Variants in VWA3B observed in about 807,000 individuals in gnomAD.
VWA3B encodes the protein von Willebrand factor A domain containing 3B.
A neutral mutation model predicts 158.3 loss-of-function variants in VWA3B; 138 were observed. That is an observed-to-expected ratio of 0.87 (90% CI 0.76 to 1.00). The LOEUF (loss-of-function observed/expected upper bound fraction) is 1.00. Ranked by LOEUF, VWA3B falls within the 50% of genes least tolerant of loss-of-function variation. The probability of loss-of-function intolerance (pLI) is 0.00; values close to 1 mark genes in which losing one functional copy is unlikely to be tolerated. For missense variants in VWA3B, 1,555 were observed against 1,565.1 expected, an observed-to-expected ratio of 0.99 and a Z score of 0.11; for synonymous variants, 596 against 587.3, an observed-to-expected ratio of 1.01 and a Z score of -0.21.
At chr2:98,177,328 A>G (rs1383759087) in intron 8 of VWA3B, among the ~76,000 whole-genome samples, 1 of 152,262 alleles carries the variant, frequency 6.6e-6, no homozygotes, top group Admixed American at 6.5e-5. Context: ...TGTCCTGTGG[A>G]ATAGGAAAGC....
chr2:98,190,404 T>G (rs1045293873), intron 10 of VWA3B, among the ~76,000 whole-genome samples: 2 of 152,236 alleles, frequency 1.3e-5, no homozygotes, highest in African/African-American at 4.8e-5. Context: ...GTAACTAGAT[T>G]AGAAACTAGA....
intron 7 of VWA3B, among the ~76,000 whole-genome samples, chr2:98,139,525 A>C (rs1033267104): frequency 1.1e-4 from 17 of 152,164 alleles, no homozygotes; most frequent in African/African-American, 3.9e-4. Flanking sequence ...AAATACACCA[A>C]TCGGCACTCT....
At chr2:98,265,133 G>A (rs982818295) in intron 21 of VWA3B, among the ~76,000 whole-genome samples, 3 of 150,960 alleles carry the variant, frequency 2.0e-5, no homozygotes, top group Middle Eastern at 3.4e-3. Context: ...ATGCTGGTGC[G>A]CTGCACCCAC....
At chr2:98,205,457 T>C (rs1682940386) in intron 12 of VWA3B, among the ~76,000 whole-genome samples, 1 of 152,184 alleles carries the variant, frequency 6.6e-6, no homozygotes, top group Non-Finnish European at 1.5e-5. Context: ...TTTTATTGAT[T>C]CTTTTTAACA....
At chr2:98,321,544 G>A in the VWA3B span, among the ~76,000 whole-genome samples, 1 of 152,234 alleles carries the variant, frequency 6.6e-6, no homozygotes, top group African/African-American at 2.4e-5. Context: ...TCTTGCATCA[G>A]CATGACCTGG....
At chr2:98,221,473 C>G in intron 14 of VWA3B, among the ~76,000 whole-genome samples, 1 of 152,324 alleles carries the variant, frequency 6.6e-6, no homozygotes, top group East Asian at 1.9e-4. Context: ...TTCACCCACT[C>G]TCTTGCTTCA....
chr2:98,178,943 T>C (rs1680241334), intron 8 of VWA3B, among the ~76,000 whole-genome samples: 1 of 152,196 alleles, frequency 6.6e-6, no homozygotes, highest in Non-Finnish European at 1.5e-5. Context: ...TGCGTCTTCG[T>C]AGGGCTCCCG....
intron 7 of VWA3B, among the ~76,000 whole-genome samples, chr2:98,145,636 T>C (rs2105131546): frequency 6.6e-6 from 1 of 152,340 alleles, no homozygotes; most frequent in Non-Finnish European, 1.5e-5. Flanking sequence ...CCCTCTGTGG[T>C]TTCTCACAGT....
intron 8 of VWA3B, among the ~76,000 whole-genome samples, chr2:98,178,652 T>C (rs1384818661): frequency 6.6e-6 from 1 of 152,210 alleles, no homozygotes; most frequent in African/African-American, 2.4e-5. Context: ...AGAAGCCCTT[T>C]CCACCTTAAG....
At chr2:98,091,925 A>G (rs1682320941) in intron 1 of VWA3B, among the ~76,000 whole-genome samples, 1 of 152,158 alleles carries the variant, frequency 6.6e-6, no homozygotes, top group Non-Finnish European at 1.5e-5. Context: ...GCGGGTTAAG[A>G]TTGCATTATA....
chr2:98,279,758 G>A (rs900947192), intron 22 of VWA3B, among the ~76,000 whole-genome samples: 13 of 152,146 alleles, frequency 8.5e-5, no homozygotes, highest in African/African-American at 2.9e-4. Context: ...CCAATACCCC[G>A]GCTTCCTCCT....
intron 23 of VWA3B, among the ~76,000 whole-genome samples, chr2:98,294,134 T>C (rs1395820264): frequency 6.9e-6 from 1 of 145,418 alleles, no homozygotes; most frequent in Non-Finnish European, 1.5e-5. Flanking sequence ...CCTGCCCTCA[T>C]TGGTGATGTT....
At chr2:98,171,299 A>T (rs935299829) in intron 8 of VWA3B, among the ~76,000 whole-genome samples, 4 of 152,144 alleles carry the variant, frequency 2.6e-5, no homozygotes, top group Admixed American at 2.6e-4. Flanking sequence ...GGTATTTACG[A>T]TTGAGGAAAA....
rs1192903302 is a variant in VWA3B, at chr2:98,133,772, T to C, written c.873-52T>C. 3.3e-6 allele frequency: 5 copies of C among 1,513,342 alleles called. No individual in the cohort carries two copies. In the East Asian group the frequency reaches 6.8e-5, roughly 20 times the overall value. 93.7% of individuals were successfully genotyped at this position (1,513,342 alleles called of 1,614,324 possible). ...TCAGTCCCAGGAGAAGGAACAAGCATGCACGGACACCTGCGTACTGCCTTC... is the reference window on the plus strand; with the variant it reads ...TCAGTCCCAGGAGAAGGAACAAGCACGCACGGACACCTGCGTACTGCCTTC... On this transcript the variant is annotated intron_variant, in intron 6 of 27. Coordinates refer to ENST00000477737, the MANE Select transcript of VWA3B (RefSeq NM_144992.5).
intron 13 of VWA3B, among the ~76,000 whole-genome samples, chr2:98,216,563 C>T (rs561298041): frequency 2.6e-5 from 4 of 152,222 alleles, no homozygotes; most frequent in Non-Finnish European, 5.9e-5. Context: ...CCTTTCTTGC[C>T]ACTCCAGCTG....
intron 19 of VWA3B, among the ~76,000 whole-genome samples, chr2:98,244,224 A>G (rs1177501081): frequency 6.6e-6 from 1 of 152,162 alleles, no homozygotes; most frequent in Admixed American, 6.5e-5. Context: ...TCAGTAATAT[A>G]AATTACTACA....
intron 7 of VWA3B, among the ~76,000 whole-genome samples, chr2:98,145,684 A>G (rs1457014954): frequency 2.0e-5 from 3 of 150,236 alleles, no homozygotes; most frequent in Non-Finnish European, 4.4e-5. Context: ...GCTTACATCA[A>G]TTTCATCTTA....
intron 13 of VWA3B, among the ~76,000 whole-genome samples, chr2:98,217,258 T>C (rs1684112714): frequency 6.6e-6 from 1 of 152,192 alleles, no homozygotes; most frequent in Non-Finnish European, 1.5e-5. Context: ...ACCGTACCCC[T>C]TTCTGTCACT....
In VWA3B at chr2:98,236,036, C is replaced by G. The variant is rs184065585; in HGVS notation, c.2429-354C>G. On this transcript the variant is annotated intron_variant, in intron 17 of 27. Transcript: ENST00000477737. The stretch of plus-strand genomic sequence containing the variant: ...ATCTATCAGAAATTAAAATGTTGAT[C>G]AAGGCTCTCATATAATTTGGGGGAG... Among the ~76,000 whole-genome samples, 40 of 152,268 alleles carry G rather than the reference C, an allele frequency of 2.6e-4. 2 individuals carry two copies. The East Asian group carries it at 6.2e-3, about 24-fold the overall frequency.
Sources: allele counts gnomAD v4.1 joint callset (sites outside exome capture counted in the v4.1 genomes callset), GRCh38; gene constraint gnomAD v4.1.1; transcripts MANE v1.5; gene names NCBI Gene and HGNC (gene_info 2026-07-23, HGNC 2026-07-21).